Variants in DOCK3 observed in about 807,000 individuals in gnomAD.
DOCK3 encodes the protein dedicator of cytokinesis protein 3.
A neutral mutation model predicts 265.6 loss-of-function variants in DOCK3; 60 were observed. The ratio of observed to expected loss-of-function variants is 0.23; its 90% CI spans 0.18 to 0.28. The LOEUF (loss-of-function observed/expected upper bound fraction) is 0.28. Among genes scored for constraint, DOCK3 ranks in the 10% least tolerant of loss-of-function variants. The pLI, the probability that DOCK3 is intolerant of heterozygous loss-of-function variation, is 1.00. For missense variants in DOCK3, 1,981 were observed against 2,594.3 expected (o/e 0.76, Z 5.14); for synonymous variants, 881 against 938.0 (o/e 0.94, Z 1.11).
chr3:51,281,648 C>T (rs932125812), intron 27 of DOCK3, among the ~76,000 whole-genome samples: 1 of 152,092 alleles, frequency 6.6e-6, no homozygotes, highest in Non-Finnish European at 1.5e-5. Context: ...GTGTTGGAGA[C>T]TCTCCTCCTA....
At chr3:50,871,297 A>AG (rs1193480062) in intron 3 of DOCK3, among the ~76,000 whole-genome samples, 1 of 150,678 alleles carries the variant, frequency 6.6e-6, no homozygotes, top group Non-Finnish European at 1.5e-5. Context: ...CTTGGGTAAA[A>AG]GTTTTTTTTT....
rs115261673 is a variant in DOCK3, at chr3:51,081,999, A to G, written c.549+6559A>G. Among the ~76,000 whole-genome samples the G allele has an allele frequency of 7.7e-3, 1,168 of 152,140 alleles. 12 individuals carry two copies. Among genetic ancestry groups the G allele is most frequent in the African/African-American group, 0.027 (1,105 of 41,484 alleles). On this transcript the variant is annotated intron_variant, in intron 7 of 52. Coordinates refer to ENST00000266037, the MANE Select transcript of DOCK3 (RefSeq NM_004947.5). ...TTGCCTTCTACTCAGTGAGTAATTA[A>G]CTACATATTGAATAGAGCATCTAAG... is the stretch of plus-strand genomic sequence containing the variant.
chr3:51,365,681 G>A (rs182435462), intron 49 of DOCK3, among the ~76,000 whole-genome samples: 2 of 152,196 alleles, frequency 1.3e-5, no homozygotes, highest in Non-Finnish European at 2.9e-5. Flanking sequence ...AGTTTATTGA[G>A]AGTTTTTAGC....
chr3:51,243,371 T>C (rs1308736162), intron 21 of DOCK3, among the ~76,000 whole-genome samples: 2 of 152,004 alleles, frequency 1.3e-5, no homozygotes, highest in African/African-American at 4.8e-5. Flanking sequence ...GCAAGTTGCT[T>C]CTTAATAGTT....
chr3:51,289,464 C>T (rs1162384562), intron 27 of DOCK3, among the ~76,000 whole-genome samples: 1 of 152,110 alleles, frequency 6.6e-6, no homozygotes, highest in Non-Finnish European at 1.5e-5. Context: ...AGACAGCCAT[C>T]CAGCCACAAA....
chr3:50,879,647 A>G (rs1156702523), intron 3 of DOCK3, among the ~76,000 whole-genome samples: 1 of 152,214 alleles, frequency 6.6e-6, no homozygotes. Flanking sequence ...TTAGAGACCT[A>G]CAAAGAGACT....
intron 1 of DOCK3, among the ~76,000 whole-genome samples, chr3:50,682,388 C>T (rs1469979087): frequency 6.6e-6 from 1 of 152,214 alleles, no homozygotes; most frequent in African/African-American, 2.4e-5. Flanking sequence ...GTTCCTTCTA[C>T]ACAGAGTGCC....
chr3:51,375,141 G>A (rs1691073386), intron 50 of DOCK3, among the ~76,000 whole-genome samples: 1 of 152,212 alleles, frequency 6.6e-6, no homozygotes, highest in Non-Finnish European at 1.5e-5. Context: ...TGGGCAGTCT[G>A]TCCCTGCCCT....
intron 3 of DOCK3, among the ~76,000 whole-genome samples, chr3:50,855,939 T>C (rs1189133613): frequency 6.6e-6 from 1 of 152,210 alleles, no homozygotes. Context: ...ATGCAGTGTT[T>C]GGTTTTCTGT....
In DOCK3 at chr3:50,953,198, C is replaced by T. The variant is rs1454811890; in HGVS notation, c.315+19121C>T. ...GCAGACTATAGGGAAAAGAAAAAGACCCCAGTCTTAAAATGTAATTTTAAA... is the reference window on the plus strand; with the variant it reads ...GCAGACTATAGGGAAAAGAAAAAGATCCCAGTCTTAAAATGTAATTTTAAA... On this transcript the variant is annotated intron_variant, in intron 5 of 52. Transcript: ENST00000266037. Among the ~76,000 whole-genome samples the T allele has an allele frequency of 2.0e-5, 3 of 152,120 alleles. No homozygotes were observed. The East Asian group carries it at 5.8e-4, about 29-fold the overall frequency.
intron 3 of DOCK3, among the ~76,000 whole-genome samples, chr3:50,879,491 T>C (rs1318539561): frequency 1.3e-5 from 2 of 152,044 alleles, no homozygotes; most frequent in Non-Finnish European, 2.9e-5. Flanking sequence ...TAGTCTCTGA[T>C]AAAACAGACT....
intron 5 of DOCK3, among the ~76,000 whole-genome samples, chr3:51,007,103 T>C (rs560376095): frequency 1.3e-5 from 2 of 152,336 alleles, no homozygotes; most frequent in South Asian, 2.1e-4. Context: ...TGTATCTTTA[T>C]AGTAGCATGC....
intron 12 of DOCK3, among the ~76,000 whole-genome samples, chr3:51,182,597 T>C (rs1197995052): frequency 4.6e-5 from 7 of 152,196 alleles, no homozygotes; most frequent in Non-Finnish European, 1.5e-5. Flanking sequence ...GTAGTATTCT[T>C]TGAAACCTTC....
At chr3:50,756,896 A>T (rs1291442194) in intron 1 of DOCK3, among the ~76,000 whole-genome samples, 1 of 151,864 alleles carries the variant, frequency 6.6e-6, no homozygotes, top group Admixed American at 6.6e-5. Flanking sequence ...CTTTTTTGAG[A>T]CAGGATCTCA....
In DOCK3 at chr3:51,260,217, G is replaced by A. The variant is rs757413531; in HGVS notation, c.2246G>A (p.Cys749Tyr). Residue 749 changes from cysteine (C) to tyrosine (Y), a missense_variant, in exon 23 of 53, where the codon TGT becomes TAT. This residue lies in a region of DOCK3 where 1,357 missense variants were observed against 1,866.8 expected (regional missense o/e 0.73). Transcript: ENST00000266037. ...CGGATCCTGTACTCACGAGCCACTT[G>A]TGGAATGGAAGAGGAACAATTCAGA... ...QSRILYSRAT[C>Y]GMEEEQFRSS... 1 of 1,613,886 alleles carries A rather than the reference G, an allele frequency of 6.2e-7. No individual in the cohort carries two copies. Among genetic ancestry groups the A allele is most frequent in the Non-Finnish European group, 8.5e-7 (1 of 1,179,870 alleles).
chr3:51,260,022 A>G (rs2079769603), intron 22 of DOCK3, 134 bp from the exon 23 acceptor site: 18 of 851,372 alleles, frequency 2.1e-5, no homozygotes, highest in Non-Finnish European at 6.9e-6. Context: ...GTACCTATCT[A>G]TCTCCATAGT....
At chr3:51,289,826 T>C (rs1417504862) in intron 27 of DOCK3, among the ~76,000 whole-genome samples, 3 of 151,612 alleles carry the variant, frequency 2.0e-5, no homozygotes, top group Non-Finnish European at 4.4e-5. Flanking sequence ...TACAAAGAAC[T>C]CAAACAAATT....
intron 12 of DOCK3, 49 bp downstream of exon 12, chr3:51,160,751 C>T (rs1481903767): frequency 1.9e-6 from 3 of 1,582,462 alleles, no homozygotes; most frequent in East Asian, 2.2e-5. Context: ...ATAAGACATC[C>T]CAGCACTGCC....
Position 50,675,320 on chromosome 3 carries a change from G to C in DOCK3, c.37+20G>C. 8.0e-7 allele frequency: 1 copy of C among 1,249,140 alleles called. No individual in the cohort carries two copies. The allele number at this position is 1,249,140 out of a possible 1,614,324, so 77.4% of individuals were successfully genotyped here. A position where few individuals can be genotyped will look rare whatever the true frequency, so the allele number is the denominator to read the frequency against. The stretch of plus-strand genomic sequence containing the variant: ...GCGTAGGTAGGTGAGGCTCAGGCCT[G>C]GCCGTGGCGGGGGTTCTGGGGGACG... On this transcript the variant is annotated intron_variant, in intron 1 of 52. Coordinates refer to ENST00000266037, the MANE Select transcript of DOCK3 (RefSeq NM_004947.5). The surrounding 1 kb of genome is among the most constrained non-coding windows in gnomAD (Gnocchi z 6.1).
Sources: allele counts gnomAD v4.1 joint callset (sites outside exome capture counted in the v4.1 genomes callset), GRCh38; gene constraint gnomAD v4.1.1; regional missense constraint gnomAD v4.1.1; non-coding constraint Gnocchi (gnomAD v3.1); transcripts MANE v1.5; gene names NCBI Gene and HGNC (gene_info 2026-07-23, HGNC 2026-07-21).